Variants in WDR11 observed in about 807,000 individuals in gnomAD.
WDR11 encodes the protein WD repeat domain 11, also known as WD repeat-containing protein 11.
WDR11 carries 83 observed loss-of-function variants against 151.2 expected under a neutral mutation model. The ratio of observed to expected loss-of-function variants is 0.55; its 90% confidence interval spans 0.46 to 0.66. The LOEUF is 0.66. Among genes scored for constraint, WDR11 ranks in the 30% least tolerant of loss-of-function variants. The pLI is 0.00. For missense variants in WDR11, 1,301 were observed against 1,480.9 expected, an observed-to-expected ratio of 0.88 and a Z score of 1.99; for synonymous variants, 484 against 533.1, an observed-to-expected ratio of 0.91 and a Z score of 1.27.
chr10:120,900,987 G>A (rs1327368326), intron 20 of WDR11, 49 bp from the exon 21 acceptor site: 2 of 1,279,558 alleles, frequency 1.6e-6, no homozygotes, highest in South Asian at 1.2e-5. Context: ...AGAAATACGT[G>A]GTTTTAAGTG....
chr10:120,907,507 C>A (rs528029126), intron 28 of WDR11: 1 of 153,052 alleles, frequency 6.5e-6, no homozygotes, highest in Non-Finnish European at 1.5e-5. Context: ...CTGCTCACTG[C>A]ACTTTGCTTC....
At chr10:120,866,311 G>A (rs1362523405) in intron 7 of WDR11, among the ~76,000 whole-genome samples, 1 of 151,846 alleles carries the variant, frequency 6.6e-6, no homozygotes, top group Non-Finnish European at 1.5e-5. Context: ...CTTTTTCAAA[G>A]TATCGTCTTT....
In WDR11 at chr10:120,860,294, T is replaced by C. The variant is rs1207653752; in HGVS notation, c.526+12T>C. 6.2e-7 allele frequency: 1 copy of C among 1,612,324 alleles called. No individual in the cohort carries two copies. The highest frequency in any genetic ancestry group is 1.7e-5 in the Admixed American group (1 of 60,008). ...CTCACATTTAACTTGTGAGTAACAG[T>C]TGCTTGTGGAAAATGAGTTAAGTGA... is the stretch of plus-strand genomic sequence containing the variant. On this transcript the variant is annotated intron_variant, in intron 4 of 28. Transcript: ENST00000263461.
chr10:120,904,617 A>G, intron 24 of WDR11, 29 bp from the exon 25 acceptor site: 1 of 1,613,886 alleles, frequency 6.2e-7, no homozygotes, highest in Non-Finnish European at 8.5e-7. Flanking sequence ...AAATGTTCTC[A>G]TAATTAGAAA....
chr10:120,855,574 T>A (rs113969786), intron 2 of WDR11, among the ~76,000 whole-genome samples: 167 of 152,352 alleles, frequency 1.1e-3, no homozygotes, highest in Non-Finnish European at 2.2e-3. Context: ...AAACCATTGC[T>A]TTCTCCAATA....
chr10:120,905,999 A>G lies in WDR11; in HGVS notation c.3415A>G (p.Ser1139Gly). ...TCTCCTCTCTCTGGGCTGCTTTTTT[A>G]GCGTGGCAGAGACGCTTCACAGGTA... ...LVLLSLGCFFSVAETLHSMRY... is the reference protein window; with the variant it reads ...LVLLSLGCFFGVAETLHSMRY... Residue 1139 changes from serine (S) to glycine (G), a missense_variant, in exon 27 of 29, where the codon AGC becomes GGC. Around this residue, in one of 3 missense-constraint regions of WDR11, gnomAD observed 589 missense variants for 670.6 expected, o/e 0.88. Transcript: ENST00000263461. 6.2e-7 allele frequency: 1 copy of G among 1,613,864 alleles called. No homozygotes were observed. The highest frequency in any genetic ancestry group is 1.1e-5 in the South Asian group (1 of 91,058).
intron 24 of WDR11, among the ~76,000 whole-genome samples, 172 bp from the exon 25 acceptor site, chr10:120,904,474 G>T (rs551693615): frequency 9.6e-4 from 146 of 152,124 alleles, no homozygotes; most frequent in Non-Finnish European, 1.9e-3. Flanking sequence ...CTTTATGTTT[G>T]TCTCAAAAAA....
At chr10:120,852,150 G>T in intron 1 of WDR11, 1 of 273,972 alleles carries the variant, frequency 3.7e-6, no homozygotes, top group African/African-American at 2.2e-5. Flanking sequence ...GTTTTATTTA[G>T]TTGGAAGGAC....
At chr10:120,893,012 T>C (rs1281577830) in intron 19 of WDR11, among the ~76,000 whole-genome samples, 1 of 152,008 alleles carries the variant, frequency 6.6e-6, no homozygotes, top group African/African-American at 2.4e-5. Flanking sequence ...GTTTTTTTTT[T>C]TTAATTTTAT....
At chr10:120,853,996 T>C (rs924888164) in intron 2 of WDR11, among the ~76,000 whole-genome samples, 7 of 152,192 alleles carry the variant, frequency 4.6e-5, no homozygotes, top group Admixed American at 1.3e-4. Context: ...GGATTAGAGA[T>C]AGAGATTTGG....
At chr10:120,880,665 A>G in intron 12 of WDR11, 161 bp from the exon 13 acceptor site, 1 of 687,756 alleles carries the variant, frequency 1.5e-6, no homozygotes, top group Non-Finnish European at 2.4e-6. Context: ...TCAAAAAAAA[A>G]AACCCGAAAA....
intron 19 of WDR11, among the ~76,000 whole-genome samples, chr10:120,899,293 C>T (rs528081811): frequency 8.5e-5 from 13 of 152,072 alleles, no homozygotes; most frequent in Non-Finnish European, 1.9e-4. Context: ...GGCATGATCC[C>T]TTCAGTGACA....
intron 16 of WDR11, 95 bp from the exon 17 acceptor site, chr10:120,888,983 C>A (rs1364647946): frequency 3.2e-6 from 3 of 944,384 alleles, no homozygotes; most frequent in Non-Finnish European, 4.9e-6. Context: ...CATACTAAAG[C>A]ACAGCCCTTT....
At chr10:120,902,207 T>C (rs1324288562) in intron 21 of WDR11, 50 bp from the exon 22 acceptor site, 5 of 1,482,018 alleles carry the variant, frequency 3.4e-6, no homozygotes, top group Non-Finnish European at 3.8e-6. Flanking sequence ...CCATGCTTTA[T>C]TGTTTGATTG....
chr10:120,853,304 C>T (rs932211290), intron 2 of WDR11, among the ~76,000 whole-genome samples: 10 of 151,488 alleles, frequency 6.6e-5, no homozygotes, highest in South Asian at 4.2e-4. Flanking sequence ...CTCACTCTGT[C>T]GCCCAGGCTG....
rs1473400114 is a variant in WDR11 at position 120,906,763 on chromosome 10, T to C, written c.3438-13T>C. The C allele has an allele frequency of 6.2e-7, 1 of 1,614,038 alleles. No individual in the cohort carries two copies. Among genetic ancestry groups the C allele is most frequent in the African/African-American group, 1.3e-5 (1 of 74,916 alleles). On this transcript the variant is annotated splice_polypyrimidine_tract_variant and intron_variant, in intron 27 of 28. Coordinates refer to ENST00000263461, the MANE Select transcript of WDR11 (RefSeq NM_018117.12). ...ATCACAAAGCATAACTCTTGTTTTG[T>C]TCTGTTGAGCAGCATGAGATACTTT... is the stretch of plus-strand genomic sequence containing the variant.
intron 19 of WDR11, 101 bp from the exon 20 acceptor site, chr10:120,899,928 C>T (rs536432432): frequency 3.3e-6 from 3 of 919,478 alleles, no homozygotes; most frequent in Admixed American, 1.9e-5. Flanking sequence ...CCAGATTTAC[C>T]TGTTGCTCTC....
intron 21 of WDR11, among the ~76,000 whole-genome samples, chr10:120,901,432 G>A (rs916749756): frequency 2.0e-5 from 3 of 152,142 alleles, no homozygotes; most frequent in Non-Finnish European, 4.4e-5. Context: ...GCCTCACAGC[G>A]GGAGACGAAT....
chr10:120,905,991 G>A lies in WDR11; in HGVS notation c.3407G>A (p.Cys1136Tyr), dbSNP rs1848026004. ...KALLVLLSLG[C>Y]FFSVAETLHS... ...CTCCTGGTTCTCCTCTCTCTGGGCT[G>A]CTTTTTTAGCGTGGCAGAGACGCTT... is the stretch of plus-strand genomic sequence containing the variant. Residue 1136 changes from cysteine (C) to tyrosine (Y), a missense_variant, in exon 27 of 29, where the codon TGC becomes TAC. Physicochemically the swap from Cys to Tyr is radical, Grantham distance 194 (BLOSUM62 -2). Coordinates refer to ENST00000263461, the MANE Select transcript of WDR11 (RefSeq NM_018117.12). 6.2e-7 allele frequency: 1 copy of A among 1,613,904 alleles called. No individual in the cohort carries two copies. Among genetic ancestry groups the A allele is most frequent in the South Asian group, 1.1e-5 (1 of 91,076 alleles).
Sources: gnomAD v4.1 joint callset for allele counts (sites outside exome capture counted in the v4.1 genomes callset) on GRCh38, gnomAD v4.1.1 for gene constraint, gnomAD v4.1.1 regional missense constraint, MANE v1.5 for transcripts, NCBI Gene and HGNC (gene_info 2026-07-23, HGNC 2026-07-21) for gene names.